The following RAB27B variants were observed in gnomAD, a reference collection of about 807,000 sequenced individuals.
RAB27B encodes ras-related protein Rab-27B.
RAB27B carries 15 observed loss-of-function variants against 24.6 expected under a neutral mutation model. The observed-to-expected ratio is 0.61, with a 90% CI of 0.41 to 0.94. The LOEUF (loss-of-function observed/expected upper bound fraction) is 0.94. Among genes scored for constraint, RAB27B ranks in the 40% least tolerant of loss-of-function variants. The pLI is 0.00. For missense variants in RAB27B, 261 were observed against 266.8 expected (o/e 0.98, Z 0.15); for synonymous variants, 105 against 92.5 (o/e 1.14, Z -0.78).
chr18:54,887,117 T>C (rs1386429186), intron 4 of RAB27B, among the ~76,000 whole-genome samples: 2 of 148,090 alleles, frequency 1.4e-5, no homozygotes, highest in African/African-American at 5.0e-5. Context: ...ATAGTGTTTT[T>C]TGGAGAAAAG....
intron 2 of RAB27B, among the ~76,000 whole-genome samples, chr18:54,803,015 G>T (rs937850525): frequency 1.3e-5 from 2 of 152,058 alleles, no homozygotes. Context: ...TATTTATTGA[G>T]TTTGTTATAA....
chr18:54,841,151 T>TGGCG (rs1157112421), intron 1 of RAB27B, among the ~76,000 whole-genome samples: 2,256 of 7,680 alleles, frequency 0.29, 290 homozygotes, highest in Middle Eastern at 1. Context: ...TGTCTTTGGG[T>TGGCG]GGCGGGGCGG....
At chr18:54,797,118 A>G (rs1909445762) in intron 2 of RAB27B, among the ~76,000 whole-genome samples, 1 of 152,214 alleles carries the variant, frequency 6.6e-6, no homozygotes, top group African/African-American at 2.4e-5. Context: ...GTGCAAATAA[A>G]TGATATATGC....
At chr18:54,873,496 T>C (rs149606476) in intron 1 of RAB27B, among the ~76,000 whole-genome samples, 232 of 152,314 alleles carry the variant, frequency 1.5e-3, no homozygotes, top group African/African-American at 5.1e-3. Context: ...AACAATACTG[T>C]TAAACTTGTC....
intron 2 of RAB27B, among the ~76,000 whole-genome samples, chr18:54,764,360 C>T (rs1185861396): frequency 6.6e-6 from 1 of 152,138 alleles, no homozygotes; most frequent in African/African-American, 2.4e-5. Flanking sequence ...TCTGTATCTC[C>T]TGAAATGCAA....
intron 2 of RAB27B, among the ~76,000 whole-genome samples, chr18:54,769,312 T>C (rs1908465310): frequency 6.6e-6 from 1 of 152,192 alleles, no homozygotes; most frequent in African/African-American, 2.4e-5. Flanking sequence ...ACTCCACGTC[T>C]CACCTCTGTC....
chr18:54,801,751 G>A (rs755240467), intron 2 of RAB27B, among the ~76,000 whole-genome samples: 1 of 152,196 alleles, frequency 6.6e-6, no homozygotes, highest in Non-Finnish European at 1.5e-5. Context: ...CACAGGAGGA[G>A]GACAGTGGCC....
At chr18:54,841,751 C>T (rs185904448) in intron 1 of RAB27B, among the ~76,000 whole-genome samples, 1 of 152,266 alleles carries the variant, frequency 6.6e-6, no homozygotes, top group African/African-American at 2.4e-5. Context: ...TATATGATAG[C>T]AAAAGATCTT....
upstream of RAB27B, among the ~76,000 whole-genome samples, chr18:54,824,407 A>C (rs1485982397): frequency 6.6e-6 from 1 of 152,230 alleles, no homozygotes; most frequent in East Asian, 1.9e-4. Flanking sequence ...TCGTGGCATC[A>C]TACAATACAA....
At chr18:54,768,593 A>T (rs1171080904) in intron 2 of RAB27B, among the ~76,000 whole-genome samples, 1 of 151,966 alleles carries the variant, frequency 6.6e-6, no homozygotes, top group South Asian at 2.1e-4. Flanking sequence ...TTTTCTCAGG[A>T]TTTATTATCT....
chr18:54,871,472 AG>A (rs1912461440), intron 1 of RAB27B, among the ~76,000 whole-genome samples: 1 of 152,242 alleles, frequency 6.6e-6, no homozygotes, highest in Non-Finnish European at 1.5e-5. Flanking sequence ...AAGATAAATG[AG>A]GAAATATTAA....
intron 1 of RAB27B, among the ~76,000 whole-genome samples, chr18:54,840,743 A>G (rs1044126474): frequency 2.6e-5 from 4 of 152,148 alleles, no homozygotes; most frequent in Non-Finnish European, 4.4e-5. Context: ...CATCCTCAGG[A>G]AGGGAATTTC....
At chr18:54,825,212 C>T (rs1051025391), upstream of RAB27B, among the ~76,000 whole-genome samples, 2 of 152,092 alleles carry the variant, frequency 1.3e-5, no homozygotes, top group Non-Finnish European at 2.9e-5. Flanking sequence ...ATGTGATCTG[C>T]TTTATGTCTC....
upstream of RAB27B, chr18:54,828,161 C>T (rs1396513711): frequency 1.3e-5 from 2 of 152,180 alleles, no homozygotes; most frequent in African/African-American, 2.4e-5. Context: ...GACACCCCCT[C>T]GGAGGAGAGA....
chr18:54,829,941 G>A (rs776194684), intron 1 of RAB27B, among the ~76,000 whole-genome samples: 1 of 152,216 alleles, frequency 6.6e-6, no homozygotes, highest in South Asian at 2.1e-4. Context: ...TTGACAGATA[G>A]TTTAATATTA....
rs1487054523 is a variant in RAB27B, at chr18:54,723,638, A to G, written c.-20+5497A>G. 4.8e-5 allele frequency among the ~76,000 whole-genome samples: 7 copies of G among 144,838 alleles called. No homozygotes were observed. In the East Asian group the frequency reaches 1.4e-3, roughly 28 times the overall value. ...TAGCTAGAGAATTAGATAGACATAGATAGATAGATAGATAGATGATACGTA... is the reference window on the plus strand; with the variant it reads ...TAGCTAGAGAATTAGATAGACATAGGTAGATAGATAGATAGATGATACGTA... On this transcript the variant is annotated intron_variant, in intron 2 of 4. Transcript: ENST00000586570.
intron 2 of RAB27B, among the ~76,000 whole-genome samples, chr18:54,720,921 G>A (rs1909340406): frequency 6.6e-6 from 1 of 152,092 alleles, no homozygotes; most frequent in South Asian, 2.1e-4. Flanking sequence ...TTCCCATTAT[G>A]ATTTCCCCTT....
intron 3 of RAB27B, among the ~76,000 whole-genome samples, chr18:54,881,602 T>C (rs758078757): frequency 2.0e-5 from 3 of 152,174 alleles, no homozygotes. Context: ...TCAATTTCTG[T>C]TCATCATTGG....
At chr18:54,843,020 T>C (rs1007148352) in intron 1 of RAB27B, among the ~76,000 whole-genome samples, 3 of 152,154 alleles carry the variant, frequency 2.0e-5, no homozygotes, top group African/African-American at 4.8e-5. Context: ...ATGGTCTCCA[T>C]GTCCTGACCT....
Sources: gnomAD v4.1 joint callset for allele counts (sites outside exome capture counted in the v4.1 genomes callset) on GRCh38, gnomAD v4.1.1 for gene constraint, MANE v1.5 for transcripts, NCBI Gene and HGNC (gene_info 2026-07-23, HGNC 2026-07-21) for gene names.